SSMEM1: variants seen among roughly 807,000 people sequenced by gnomAD.
SSMEM1 encodes serine rich single-pass membrane protein 1.
In SSMEM1, 12 loss-of-function variants were observed where a neutral mutation model predicts 9.9. That is an observed-to-expected ratio of 1.21 (90% CI 0.78 to 1.96). The LOEUF is 1.96. Among genes scored for constraint, SSMEM1 ranks in the 30% most tolerant of loss-of-function variants. SSMEM1 has a pLI of 0.00. For synonymous variants in SSMEM1, 96 were observed against 98.9 expected, an observed-to-expected ratio of 0.97 and a Z score of 0.17; for missense variants, 259 against 292.2, an observed-to-expected ratio of 0.89 and a Z score of 0.83.
intron 1 of SSMEM1, among the ~76,000 whole-genome samples, chr7:130,209,679 C>A (rs1798555962): frequency 6.6e-6 from 1 of 152,124 alleles, no homozygotes; most frequent in South Asian, 2.1e-4. Flanking sequence ...TCCTGGGTTC[C>A]AGTGATTCTC....
Position 130,216,541 on chromosome 7 carries a change from C to A in SSMEM1, c.*71C>A. On this transcript the variant is annotated 3_prime_UTR_variant, in exon 3 of 3. Coordinates refer to ENST00000297819, the MANE Select transcript of SSMEM1 (RefSeq NM_145268.4). The stretch of plus-strand genomic sequence containing the variant: ...AATAAAACATGAAAAATCACCAGAG[C>A]TATAGGTGAGGAGACTTTTACAACA... The A allele has an allele frequency of 6.6e-7, 1 of 1,522,354 alleles. No individual in the cohort carries two copies. The highest frequency in any genetic ancestry group is 1.3e-5 in the South Asian group (1 of 77,126). 94.3% of individuals were successfully genotyped at this position (1,522,354 alleles called of 1,614,324 possible). A position where few individuals can be genotyped will look rare whatever the true frequency, so the allele number is the denominator to read the frequency against.
chr7:130,205,489 G>C (rs929531062), upstream of SSMEM1: 173 of 1,536,584 alleles, frequency 1.1e-4, no homozygotes, highest in Non-Finnish European at 1.5e-4. Context: ...GAACTAGGTA[G>C]TCTCTTCTCG....
At chr7:130,207,782 G>C (rs771809854), upstream of SSMEM1, 3 of 956,634 alleles carry the variant, frequency 3.1e-6, no homozygotes, top group South Asian at 4.0e-5. Flanking sequence ...TCAGTTCCTA[G>C]AACAGTTGCT....
At position 130,216,632 on chromosome 7, in the gene SSMEM1, C is replaced by T. The variant is rs550743026; in HGVS notation, c.*162C>T. On this transcript the variant is annotated 3_prime_UTR_variant, in exon 3 of 3. Coordinates refer to ENST00000297819, the MANE Select transcript of SSMEM1 (RefSeq NM_145268.4). Reference sequence around the variant, plus strand: ...AGAGGTAAAATCTCACACAATTCTTCGTTCAAAAAAAAAAAGGCCATCACG... The same window carrying T: ...AGAGGTAAAATCTCACACAATTCTTTGTTCAAAAAAAAAAAGGCCATCACG... 5 of 853,670 alleles carry T rather than the reference C, an allele frequency of 5.9e-6. No individual in the cohort carries two copies. In the South Asian group the frequency reaches 7.9e-5, roughly 14 times the overall value. The allele number at this position is 853,670 out of a possible 1,614,324, so 52.9% of individuals were successfully genotyped here.
At chr7:130,211,671 A>AT (rs1798594531) in intron 1 of SSMEM1, among the ~76,000 whole-genome samples, 1 of 152,062 alleles carries the variant, frequency 6.6e-6, no homozygotes, top group Non-Finnish European at 1.5e-5. Context: ...ACATAAACTC[A>AT]TTTTTTTCCT....
chr7:130,214,422 A>G (rs1047351540), intron 2 of SSMEM1, among the ~76,000 whole-genome samples: 6 of 152,060 alleles, frequency 3.9e-5, no homozygotes, highest in African/African-American at 1.2e-4. Context: ...CTAAAAATTT[A>G]ATAAATAAAT....
At position 130,216,243 on chromosome 7, in the gene SSMEM1, C is replaced by T. The variant is rs779947672; in HGVS notation, c.508C>T (p.His170Tyr). Reference sequence around the variant, plus strand: ...GTGGAAGGAGAGTGAAAGTGAACACCACCCATCACCAGACAGTATTAAGAG... The same window carrying T: ...GTGGAAGGAGAGTGAAAGTGAACACTACCCATCACCAGACAGTATTAAGAG... The part of the protein sequence containing the change: ...SSWKESESEH[H>Y]PSPDSIKRRK... The change falls in exon 3 of 3, where the codon CAC (histidine) becomes TAC (tyrosine). Residue 170 changes from histidine (H) to tyrosine (Y), a missense_variant. Physicochemically the swap from His to Tyr is moderately conservative, Grantham distance 83. Transcript: ENST00000297819. 1.9e-6 allele frequency: 3 copies of T among 1,613,968 alleles called. No individual in the cohort carries two copies. The African/African-American group carries it at 4.0e-5, about 22-fold the overall frequency.
Position 130,216,220 on chromosome 7 carries a change from G to T in SSMEM1, c.485G>T (p.Trp162Leu). ...SEESNSEASS[W>L]KESESEHHPS... is the part of the protein sequence containing the mutation. ...GAGTCTAACTCAGAAGCCTCCTCGT[G>T]GAAGGAGAGTGAAAGTGAACACCAC... The change falls in exon 3 of 3, where the codon TGG (tryptophan) becomes TTG (leucine). Residue 162 changes from tryptophan (W) to leucine (L), a missense_variant. Coordinates refer to ENST00000297819, the MANE Select transcript of SSMEM1 (RefSeq NM_145268.4). The T allele has an allele frequency of 6.2e-7, 1 of 1,614,146 alleles. No individual in the cohort carries two copies. Among genetic ancestry groups the T allele is most frequent in the South Asian group, 1.1e-5 (1 of 91,072 alleles).
chr7:130,214,833 A>G (rs1399232543), intron 2 of SSMEM1, among the ~76,000 whole-genome samples: 1 of 152,242 alleles, frequency 6.6e-6, no homozygotes, highest in Non-Finnish European at 1.5e-5. Flanking sequence ...CATTAGTAAC[A>G]TGTTCTCCAT....
At chr7:130,205,953 C>T (rs1317092144), upstream of SSMEM1, among the ~76,000 whole-genome samples, 2 of 152,148 alleles carry the variant, frequency 1.3e-5, no homozygotes, top group East Asian at 1.9e-4. Context: ...TGCTGGCCTC[C>T]CACCGCCTTT....
chr7:130,207,230 A>C (rs1350640118), upstream of SSMEM1, among the ~76,000 whole-genome samples: 1 of 151,998 alleles, frequency 6.6e-6, no homozygotes, highest in African/African-American at 2.4e-5. Context: ...CAGGTGGCTT[A>C]AACAACAGAA....
At chr7:130,213,708 A>AAG (rs1309806253) in intron 2 of SSMEM1, among the ~76,000 whole-genome samples, 174 bp downstream of exon 2, 2 of 149,714 alleles carry the variant, frequency 1.3e-5, no homozygotes, top group Non-Finnish European at 3.0e-5. Flanking sequence ...AAAAAAAAAA[A>AAG]AAAAAAGAAA....
chr7:130,210,399 G>C lies in SSMEM1; in HGVS notation c.183+2306G>C, dbSNP rs145527962. Reference sequence around the variant, plus strand: ...AACCTTGAAGTAATGGTAAAAGCACGATGGAAATGTGGTGGTAATTATCCT... The same window carrying C: ...AACCTTGAAGTAATGGTAAAAGCACCATGGAAATGTGGTGGTAATTATCCT... On this transcript the variant is annotated intron_variant, in intron 1 of 2. Coordinates refer to ENST00000297819, the MANE Select transcript of SSMEM1 (RefSeq NM_145268.4). 1.4e-4 allele frequency among the ~76,000 whole-genome samples: 22 copies of C among 152,292 alleles called. No homozygotes were observed. In the East Asian group the frequency reaches 3.5e-3, roughly 24 times the overall value.
At chr7:130,214,617 A>AT (rs1798668537) in intron 2 of SSMEM1, among the ~76,000 whole-genome samples, 1 of 152,172 alleles carries the variant, frequency 6.6e-6, no homozygotes. Context: ...CGTGAATGTT[A>AT]TTTTCCTCTA....
At chr7:130,205,418 G>A (rs1365390782), upstream of SSMEM1, 9 of 1,613,436 alleles carry the variant, frequency 5.6e-6, no homozygotes, top group Non-Finnish European at 7.6e-6. Context: ...CTCTCTCTGG[G>A]CATGCGCAAA....
chr7:130,213,692 C>CAAAAAAAAAAAAAAAAAAAAAAA (rs1179465068), intron 2 of SSMEM1, among the ~76,000 whole-genome samples, 158 bp downstream of exon 2: 1 of 79,844 alleles, frequency 1.3e-5, no homozygotes, highest in Non-Finnish European at 2.3e-5. Flanking sequence ...GACCCAGTAC[C>CAAAAAAAAAAAAAAAAAAAAAAA]AAAAAAAAAA....
In SSMEM1 at chr7:130,216,041, G is replaced by C. The variant is rs1313845671; in HGVS notation, c.306G>C (p.Lys102Asn). ...DSAWDPSQTM[K>N]KPKQNQLTPV... The stretch of plus-strand genomic sequence containing the variant: ...CCTGGGATCCCTCACAAACAATGAA[G>C]AAACCAAAGCAGAACCAACTTACCC... The change falls in exon 3 of 3, where the codon AAG becomes AAC. Residue 102 changes from lysine (K) to asparagine (N), a missense_variant. Physicochemically the swap from Lys to Asn is moderately conservative, Grantham distance 94. Transcript: ENST00000297819. 6.2e-7 allele frequency: 1 copy of C among 1,614,034 alleles called. No individual in the cohort carries two copies. Among genetic ancestry groups the C allele is most frequent in the Non-Finnish European group, 8.5e-7 (1 of 1,180,030 alleles).
chr7:130,214,286 C>T (rs2117063280), intron 2 of SSMEM1, among the ~76,000 whole-genome samples: 1 of 152,248 alleles, frequency 6.6e-6, no homozygotes, highest in Middle Eastern at 3.4e-3. Context: ...GTTGTTCGCA[C>T]CTGCGGTCTC....
chr7:130,206,683 G>A (rs758198085), upstream of SSMEM1, among the ~76,000 whole-genome samples: 26 of 152,266 alleles, frequency 1.7e-4, no homozygotes, highest in Admixed American at 1.3e-3. Flanking sequence ...AGGGCTCAAG[G>A]TGCAATCAAA....
Sources: allele counts gnomAD v4.1 joint callset (sites outside exome capture counted in the v4.1 genomes callset), GRCh38; gene constraint gnomAD v4.1.1; transcripts MANE v1.5; gene names NCBI Gene and HGNC (gene_info 2026-07-23, HGNC 2026-07-21).